ARHGAP26: variants seen among roughly 807,000 people sequenced by gnomAD.
ARHGAP26 encodes the protein rho GTPase-activating protein 26.
Under a neutral mutation model 104.8 loss-of-function variants are expected in ARHGAP26, and 38 were observed. That is an observed-to-expected ratio of 0.36 (90% CI 0.28 to 0.48). The LOEUF (loss-of-function observed/expected upper bound fraction) is 0.48, where lower values mean the gene tolerates loss of function less well. Among genes scored for constraint, ARHGAP26 ranks in the 20% least tolerant of loss-of-function variants. The pLI is 0.99. For synonymous variants in ARHGAP26, 341 were observed against 340.0 expected (o/e 1.00, Z -0.03); for missense variants, 704 against 947.9 (o/e 0.74, Z 3.38).
intron 4 of ARHGAP26, among the ~76,000 whole-genome samples, chr5:142,881,460 T>A (rs754042576): frequency 6.6e-6 from 1 of 152,146 alleles, no homozygotes; most frequent in Non-Finnish European, 1.5e-5. Context: ...CATACTAGAA[T>A]AAAAGAATTT....
chr5:142,999,680 G>C (rs1253336266), intron 11 of ARHGAP26, among the ~76,000 whole-genome samples: 1 of 152,056 alleles, frequency 6.6e-6, no homozygotes, highest in Non-Finnish European at 1.5e-5. Flanking sequence ...GCCTTCAGAA[G>C]AAAACATAGG....
At chr5:143,155,400 G>A (rs1009461219) in intron 20 of ARHGAP26, among the ~76,000 whole-genome samples, 1 of 152,138 alleles carries the variant, frequency 6.6e-6, no homozygotes, top group African/African-American at 2.4e-5. Flanking sequence ...CTTTCCCTAA[G>A]CAAGATCTCA....
intron 17 of ARHGAP26, among the ~76,000 whole-genome samples, chr5:143,074,241 CAAA>C (rs1357636006): frequency 6.6e-6 from 1 of 151,942 alleles, no homozygotes; most frequent in African/African-American, 2.4e-5. Context: ...ATAATAATAA[CAAA>C]CTGTATTATT....
At chr5:143,204,537 T>A (rs1309213033) in intron 20 of ARHGAP26, among the ~76,000 whole-genome samples, 1 of 152,020 alleles carries the variant, frequency 6.6e-6, no homozygotes, top group African/African-American at 2.4e-5. Context: ...GAAGAAAAAA[T>A]TGCAGTTGAT....
Position 142,801,072 on chromosome 5 carries a change from A to G in ARHGAP26, c.154+30157A>G, listed in dbSNP as rs80112785. On this transcript the variant is annotated intron_variant, in intron 1 of 22. Coordinates refer to ENST00000645722, the MANE Select transcript of ARHGAP26 (RefSeq NM_001135608.3). ...AGGTGCCGTTTCCTGTTCTTGAGGC[A>G]TCTTTAACTGCATGATGGTGGCTAT... 5.7e-3 allele frequency among the ~76,000 whole-genome samples: 872 copies of G among 152,232 alleles called. 18 individuals carry two copies. In the East Asian group the frequency reaches 0.063, roughly 11 times the overall value.
At chr5:143,169,255 C>T (rs853167) in intron 20 of ARHGAP26, among the ~76,000 whole-genome samples, 4 of 152,062 alleles carry the variant, frequency 2.6e-5, no homozygotes, top group Non-Finnish European at 5.9e-5. Context: ...CAGATTTACC[C>T]ATCAGTGTTC....
At chr5:143,102,596 C>T (rs1475128550) in intron 17 of ARHGAP26, among the ~76,000 whole-genome samples, 1 of 152,250 alleles carries the variant, frequency 6.6e-6, no homozygotes, top group African/African-American at 2.4e-5. Flanking sequence ...CCTGGTTACA[C>T]CCCTGTGCCT....
At chr5:142,802,649 G>A (rs1362969665) in intron 1 of ARHGAP26, among the ~76,000 whole-genome samples, 1 of 152,132 alleles carries the variant, frequency 6.6e-6, no homozygotes, top group Non-Finnish European at 1.5e-5. Context: ...TTTTGGGATT[G>A]AAGTTTTATT....
At chr5:143,004,473 C>T (rs537790979) in intron 11 of ARHGAP26, among the ~76,000 whole-genome samples, 41 of 152,258 alleles carry the variant, frequency 2.7e-4, no homozygotes, top group African/African-American at 8.9e-4. Context: ...CCAAATGCAG[C>T]GAAATTAATC....
At chr5:143,066,265 C>T (rs907536280) in intron 17 of ARHGAP26, among the ~76,000 whole-genome samples, 1 of 152,196 alleles carries the variant, frequency 6.6e-6, no homozygotes, top group Non-Finnish European at 1.5e-5. Context: ...GCAGCAGGCT[C>T]GACCATCTAT....
chr5:142,902,427 C>G (rs1760493449), intron 7 of ARHGAP26, among the ~76,000 whole-genome samples: 3 of 152,136 alleles, frequency 2.0e-5, no homozygotes. Flanking sequence ...GGAATGGGGG[C>G]TGGGGACACA....
intron 22 of ARHGAP26, among the ~76,000 whole-genome samples, chr5:143,217,691 C>T (rs576105762): frequency 6.6e-6 from 1 of 152,286 alleles, no homozygotes; most frequent in Admixed American, 6.5e-5. Flanking sequence ...CAGGAGGGCA[C>T]TCAGGGATCT....
chr5:142,820,062 GGGTTATTTATTAAA>G, intron 1 of ARHGAP26, among the ~76,000 whole-genome samples: 1 of 152,130 alleles, frequency 6.6e-6, no homozygotes, highest in East Asian at 1.9e-4. Context: ...AACTTTCTGG[GGGTTATTTATTAAA>G]GGTTCCAATT....
chr5:143,155,221 CTCGT>C (rs1256994424), intron 20 of ARHGAP26, among the ~76,000 whole-genome samples: 1 of 152,186 alleles, frequency 6.6e-6, no homozygotes, highest in Non-Finnish European at 1.5e-5. Context: ...AGCTTACTTA[CTCGT>C]TCATTGTTGT....
intron 11 of ARHGAP26, among the ~76,000 whole-genome samples, chr5:142,990,149 G>A (rs905947213): frequency 6.6e-5 from 10 of 152,018 alleles, no homozygotes; most frequent in African/African-American, 1.2e-4. Context: ...GGATTTGTTC[G>A]TTTCTTTTTA....
At chr5:143,069,334 C>A (rs1433125246) in intron 17 of ARHGAP26, among the ~76,000 whole-genome samples, 2 of 152,136 alleles carry the variant, frequency 1.3e-5, no homozygotes. Context: ...TAGATCAGTG[C>A]CTGCACTGCT....
Position 143,227,133 on chromosome 5 carries a change from A to G in ARHGAP26, c.*4687A>G, listed in dbSNP as rs999070843. The G allele has an allele frequency of 1.3e-4, 30 of 230,120 alleles. No individual in the cohort carries two copies. Among genetic ancestry groups the G allele is most frequent in the African/African-American group, 6.4e-4 (29 of 45,148 alleles). The allele number at this position is 230,120 out of a possible 1,614,324, so 14.3% of individuals were successfully genotyped here. A position where few individuals can be genotyped will look rare whatever the true frequency, so the allele number is the denominator to read the frequency against. ...CTGCTCCCAAAAGCAAGTCTGGATGACTGAGTTTTGTGGACATGGCACTCC... is the reference window on the plus strand; with the variant it reads ...CTGCTCCCAAAAGCAAGTCTGGATGGCTGAGTTTTGTGGACATGGCACTCC... On this transcript the variant is annotated 3_prime_UTR_variant, in exon 23 of 23. Transcript: ENST00000645722.
chr5:142,885,404 G>C lies in ARHGAP26; in HGVS notation c.486+5G>C. 1 of 1,609,024 alleles carries C rather than the reference G, an allele frequency of 6.2e-7. No homozygotes were observed. The highest frequency in any genetic ancestry group is 8.5e-7 in the Non-Finnish European group (1 of 1,176,258). On this transcript the variant is annotated splice_donor_5th_base_variant and intron_variant, in intron 5 of 22. Coordinates refer to ENST00000645722, the MANE Select transcript of ARHGAP26 (RefSeq NM_001135608.3). ...AAAGAATCTCAGCTTCAGGAGGTAA[G>C]AGACTTTATTAGTATCCTGAATAAA...
chr5:142,842,086 T>A (rs139888686), intron 1 of ARHGAP26, among the ~76,000 whole-genome samples: 1 of 152,302 alleles, frequency 6.6e-6, no homozygotes, highest in East Asian at 1.9e-4. Context: ...ATGGGAACAT[T>A]TGGTTCAGAT....
Sources: gnomAD v4.1 joint callset for allele counts (sites outside exome capture counted in the v4.1 genomes callset) on GRCh38, gnomAD v4.1.1 for gene constraint, MANE v1.5 for transcripts, NCBI Gene and HGNC (gene_info 2026-07-23, HGNC 2026-07-21) for gene names.